Variants in NTN4 observed in about 807,000 individuals in gnomAD.
NTN4 encodes netrin 4.
Under a neutral mutation model 73.6 loss-of-function variants are expected in NTN4, and 32 were observed. The observed-to-expected ratio is 0.44, with a 90% confidence interval of 0.33 to 0.58. The LOEUF is 0.58. NTN4 is among the 20% of genes least tolerant of loss of function. The pLI, the probability that NTN4 is intolerant of heterozygous loss-of-function variation, is 0.04. For missense variants in NTN4, 654 were observed against 798.3 expected, an observed-to-expected ratio of 0.82 and a Z score of 2.18; for synonymous variants, 258 against 287.5, an observed-to-expected ratio of 0.90 and a Z score of 1.04.
chr12:95,745,661 TTTA>T (rs1313397355), intron 2 of NTN4, among the ~76,000 whole-genome samples: 1 of 152,224 alleles, frequency 6.6e-6, no homozygotes, highest in Non-Finnish European at 1.5e-5. Flanking sequence ...TGTTTTTCTT[TTTA>T]TTATGAGTTG....
chr12:95,734,964 G>C (rs1449542329), intron 3 of NTN4, among the ~76,000 whole-genome samples: 6 of 152,196 alleles, frequency 3.9e-5, no homozygotes, highest in Admixed American at 3.9e-4. Context: ...ACTTGAACCA[G>C]GGAGGCAGAG....
At chr12:95,760,239 A>G (rs894464512) in intron 2 of NTN4, among the ~76,000 whole-genome samples, 1 of 152,204 alleles carries the variant, frequency 6.6e-6, no homozygotes, top group Non-Finnish European at 1.5e-5. Flanking sequence ...ATGCCTGTGA[A>G]TTATGAGGTC....
At chr12:95,728,541 T>C (rs2078712051) in intron 3 of NTN4, among the ~76,000 whole-genome samples, 1 of 152,216 alleles carries the variant, frequency 6.6e-6, no homozygotes, top group African/African-American at 2.4e-5. Flanking sequence ...AAGTTTGAAC[T>C]AAAAGACAAA....
At chr12:95,692,611 C>T (rs2078409779) in intron 5 of NTN4, among the ~76,000 whole-genome samples, 1 of 152,148 alleles carries the variant, frequency 6.6e-6, no homozygotes, top group Non-Finnish European at 1.5e-5. Flanking sequence ...AGGAAACACA[C>T]CTGTTAATGA....
intron 3 of NTN4, among the ~76,000 whole-genome samples, chr12:95,719,097 T>G (rs558228539): frequency 6.6e-6 from 1 of 152,196 alleles, no homozygotes; most frequent in East Asian, 1.9e-4. Flanking sequence ...TTTGAGTCTC[T>G]TGTTGATCAT....
chr12:95,751,099 G>A (rs1227066677), intron 2 of NTN4, among the ~76,000 whole-genome samples: 5 of 151,422 alleles, frequency 3.3e-5, no homozygotes, highest in South Asian at 2.1e-4. Context: ...TCAAAAGGCC[G>A]TCTTATTCTC....
intron 9 of NTN4, among the ~76,000 whole-genome samples, chr12:95,664,868 T>C (rs1565875904): frequency 1.3e-5 from 2 of 152,072 alleles, no homozygotes; most frequent in South Asian, 2.1e-4. Context: ...TGAGTTTATA[T>C]GGGGAAGGAA....
intron 2 of NTN4, among the ~76,000 whole-genome samples, chr12:95,751,032 T>C (rs2121216054): frequency 6.6e-6 from 1 of 152,324 alleles, no homozygotes; most frequent in African/African-American, 2.4e-5. Context: ...CCCAGCCCAG[T>C]TCATGGCTCG....
intron 7 of NTN4, among the ~76,000 whole-genome samples, chr12:95,681,681 G>A (rs1016958265): frequency 1.3e-5 from 2 of 152,136 alleles, no homozygotes; most frequent in Non-Finnish European, 2.9e-5. Context: ...CAGAAGCTGA[G>A]GATTCATACC....
At chr12:95,768,568 G>A (rs900537750) in intron 2 of NTN4, among the ~76,000 whole-genome samples, 3 of 152,056 alleles carry the variant, frequency 2.0e-5, no homozygotes, top group East Asian at 1.9e-4. Context: ...AGAGGCCAGG[G>A]GGGCATTCAG....
Position 95,790,220 on chromosome 12 carries a change from G to A in NTN4, c.55+35C>T, listed in dbSNP as rs540168024. 2.4e-5 allele frequency: 36 copies of A among 1,517,374 alleles called. No individual in the cohort carries two copies. The African/African-American group carries it at 3.6e-4, about 15-fold the overall frequency. The allele number at this position is 1,517,374 out of a possible 1,614,324, so 94.0% of individuals were successfully genotyped here. A position where few individuals can be genotyped will look rare whatever the true frequency, so the allele number is the denominator to read the frequency against. ...CGAGATGGGTTAGAGAAGCAGCGAG[G>A]GAAGGGGTGGGGGCCCCGCCGCGTC... On this transcript the variant is annotated intron_variant, in intron 1 of 9. Coordinates refer to ENST00000343702, the MANE Select transcript of NTN4 (RefSeq NM_021229.4). The surrounding 1 kb of genome is among the most constrained non-coding windows in gnomAD (Gnocchi z 6.5).
rs367660493 is a variant in NTN4 at position 95,787,278 on chromosome 12, A to G, written c.246T>C (p.Ala82=). Residue 82 remains alanine (A), a synonymous_variant, in exon 2 of 10, where the codon GCT becomes GCC. Transcript: ENST00000343702. ...CRQPKCDKCN[A]AYPHLAHLPS... ...GCAGGTGAGCCAGGTGAGGATAGGC[A>G]GCATTGCACTTGTCACATTTGGGCT... is the stretch of plus-strand genomic sequence containing the variant. 2 of 1,614,244 alleles carry G rather than the reference A, an allele frequency of 1.2e-6. No individual in the cohort carries two copies. Among genetic ancestry groups the G allele is most frequent in the Non-Finnish European group, 8.5e-7 (1 of 1,180,046 alleles).
intron 5 of NTN4, among the ~76,000 whole-genome samples, chr12:95,706,474 G>A (rs11108202): frequency 0.18 from 27,399 of 152,086 alleles, 2,693 homozygotes; most frequent in Non-Finnish European, 0.23. Flanking sequence ...TTAAAAATCA[G>A]TAAAGTAAAA....
intron 2 of NTN4, among the ~76,000 whole-genome samples, chr12:95,780,388 T>C (rs191467944): frequency 1.8e-3 from 274 of 152,268 alleles, no homozygotes; most frequent in East Asian, 2.5e-3. Flanking sequence ...AGAAAATTTT[T>C]GCAACCTACT....
At chr12:95,668,538 A>C (rs768080712) in intron 8 of NTN4, among the ~76,000 whole-genome samples, 1 of 152,224 alleles carries the variant, frequency 6.6e-6, no homozygotes, top group Non-Finnish European at 1.5e-5. Flanking sequence ...ATTTTAGATA[A>C]GATTCATGAG....
intron 3 of NTN4, among the ~76,000 whole-genome samples, chr12:95,724,590 A>G (rs1445134582): frequency 6.6e-6 from 1 of 152,194 alleles, no homozygotes; most frequent in Non-Finnish European, 1.5e-5. Flanking sequence ...TTTCTCCTTT[A>G]TAACAGCTAT....
chr12:95,760,965 T>A (rs557060617), intron 2 of NTN4, among the ~76,000 whole-genome samples: 1 of 152,244 alleles, frequency 6.6e-6, no homozygotes, highest in African/African-American at 2.4e-5. Flanking sequence ...AGGATTCTAC[T>A]TGAGATTTAT....
intron 2 of NTN4, among the ~76,000 whole-genome samples, chr12:95,746,910 A>G (rs535079998): frequency 6.6e-6 from 1 of 152,098 alleles, no homozygotes; most frequent in East Asian, 1.9e-4. Context: ...ATTGTTTCAC[A>G]TATTTTGTCC....
At chr12:95,711,321 T>C (rs1592679386) in intron 4 of NTN4, among the ~76,000 whole-genome samples, 2 of 152,328 alleles carry the variant, frequency 1.3e-5, no homozygotes. Context: ...TTGACATTTA[T>C]TATGGAAAGA....
Sources: gnomAD v4.1 joint callset for allele counts (sites outside exome capture counted in the v4.1 genomes callset) on GRCh38, gnomAD v4.1.1 for gene constraint, Gnocchi (gnomAD v3.1) non-coding constraint, MANE v1.5 for transcripts, NCBI Gene and HGNC (gene_info 2026-07-23, HGNC 2026-07-21) for gene names.